PHACTR3: variants seen among roughly 807,000 people sequenced by gnomAD.
The protein encoded by PHACTR3 is phosphatase and actin regulator 3, also known as protein phosphatase 1, regulatory subunit 123.
In PHACTR3, 16 loss-of-function variants were observed where a neutral mutation model predicts 66.8. The observed-to-expected ratio is 0.24, with a 90% CI of 0.16 to 0.36. The LOEUF (loss-of-function observed/expected upper bound fraction) is 0.36. Among genes scored for constraint, PHACTR3 ranks in the 10% least tolerant of loss-of-function variants. PHACTR3 has a pLI of 1.00. For missense variants in PHACTR3, 647 were observed against 719.9 expected (o/e 0.90, Z 1.16); for synonymous variants, 323 against 292.1 (o/e 1.11, Z -1.08).
intron 1 of PHACTR3, among the ~76,000 whole-genome samples, chr20:59,660,486 C>G (rs765269021): frequency 2.0e-5 from 3 of 152,104 alleles, no homozygotes; most frequent in Admixed American, 2.0e-4. Context: ...AGCGAGACTC[C>G]GTCTCAAAAA....
rs1298131798 is a variant in PHACTR3 at position 59,833,539 on chromosome 20, G to T, written c.1329-2966G>T. ...TCTCATTTTGGATGAGAAAGACAAG[G>T]TTCCAACAAAGGGCGGGGGGAAGCC... On this transcript the variant is annotated intron_variant, in intron 8 of 12. Transcript: ENST00000371015. Among the ~76,000 whole-genome samples the T allele has an allele frequency of 1.3e-5, 2 of 152,134 alleles. 1 individual carries two copies. Among genetic ancestry groups the T allele is most frequent in the East Asian group, 3.9e-4 (2 of 5,186 alleles).
chr20:59,741,341 G>C (rs2039156126), intron 1 of PHACTR3, among the ~76,000 whole-genome samples: 1 of 152,256 alleles, frequency 6.6e-6, no homozygotes, highest in Admixed American at 6.5e-5. Flanking sequence ...AGAGGTCTGG[G>C]CTCCTGTGGT....
At chr20:59,836,676 A>G in intron 9 of PHACTR3, 116 bp downstream of exon 9, 2 of 947,930 alleles carry the variant, frequency 2.1e-6, no homozygotes, top group Non-Finnish European at 3.2e-6. Flanking sequence ...CCATGCTCCC[A>G]GTAAACCTGA....
chr20:59,681,380 T>C (rs1354037859), intron 1 of PHACTR3, among the ~76,000 whole-genome samples: 1 of 152,148 alleles, frequency 6.6e-6, no homozygotes, highest in Non-Finnish European at 1.5e-5. Flanking sequence ...TTTTTTCTAC[T>C]TTTTCACGTG....
chr20:59,601,055 A>G (rs1465270157), upstream of PHACTR3, among the ~76,000 whole-genome samples: 1 of 152,130 alleles, frequency 6.6e-6, no homozygotes, highest in Non-Finnish European at 1.5e-5. Context: ...TTATGAAACC[A>G]TCACCATAAT....
intron 1 of PHACTR3, among the ~76,000 whole-genome samples, chr20:59,606,964 A>G (rs1232470596): frequency 6.6e-6 from 1 of 152,204 alleles, no homozygotes; most frequent in African/African-American, 2.4e-5. Context: ...GCAATTAAGT[A>G]TTTATGGATT....
intron 1 of PHACTR3, among the ~76,000 whole-genome samples, chr20:59,654,837 G>A (rs572221099): frequency 2.9e-4 from 44 of 152,140 alleles, no homozygotes; most frequent in African/African-American, 1.1e-3. Flanking sequence ...TGGCATTTGT[G>A]TGTGTGTGTC....
At position 59,704,950 on chromosome 20, in the gene PHACTR3, G is replaced by T. The variant is rs1462376535; in HGVS notation, c.119-38157G>T. On this transcript the variant is annotated intron_variant, in intron 1 of 12. Transcript: ENST00000371015. ...CTAGTATGTCTGTCCTAGTATTTAA[G>T]ACTTTCTCTTTTTTTTTTTTTTTTG... 2.0e-5 allele frequency among the ~76,000 whole-genome samples: 3 copies of T among 150,468 alleles called. No homozygotes were observed. In the East Asian group the frequency reaches 5.9e-4, roughly 29 times the overall value.
At chr20:59,753,494 G>T (rs1343709336) in intron 3 of PHACTR3, among the ~76,000 whole-genome samples, 1 of 152,196 alleles carries the variant, frequency 6.6e-6, no homozygotes, top group Non-Finnish European at 1.5e-5. Flanking sequence ...TCTGTCCTAA[G>T]CCTGCTGTTA....
chr20:59,625,749 T>G (rs957493229), intron 1 of PHACTR3, among the ~76,000 whole-genome samples: 8 of 152,168 alleles, frequency 5.3e-5, no homozygotes, highest in African/African-American at 1.7e-4. Context: ...ATGCACCGTC[T>G]CTGTCTTGCG....
intron 1 of PHACTR3, among the ~76,000 whole-genome samples, chr20:59,694,712 T>C (rs2037232423): frequency 6.6e-6 from 1 of 152,114 alleles, no homozygotes; most frequent in African/African-American, 2.4e-5. Context: ...AAATAATACA[T>C]AGAAGCTTTT....
chr20:59,774,381 C>G lies in PHACTR3; in HGVS notation c.1065C>G (p.Ala355=). ...FDGALENKRT[A]AKESEENKEN... ...GGGCATTGGAGAACAAGCGAACTGC[C>G]GCTAAGGAATCTGAGGAGAACAAGG... The change falls in exon 7 of 13, where the codon GCC becomes GCG. Residue 355 remains alanine (A), a synonymous_variant. Coordinates refer to ENST00000371015, the MANE Select transcript of PHACTR3 (RefSeq NM_080672.5). The G allele has an allele frequency of 6.2e-7, 1 of 1,614,096 alleles. No homozygotes were observed. The highest frequency in any genetic ancestry group is 8.5e-7 in the Non-Finnish European group (1 of 1,180,022).
chr20:59,808,663 G>A (rs2041640856), intron 8 of PHACTR3, among the ~76,000 whole-genome samples: 1 of 152,192 alleles, frequency 6.6e-6, no homozygotes, highest in Non-Finnish European at 1.5e-5. Context: ...CTGTCCCCAG[G>A]CCCCTGAGTC....
chr20:59,747,108 CAA>C (rs2039399219), intron 2 of PHACTR3, among the ~76,000 whole-genome samples: 1 of 152,168 alleles, frequency 6.6e-6, no homozygotes. Context: ...GGCCGTCGCT[CAA>C]GAGTGTTTTG....
At chr20:59,802,826 T>C (rs1267817394) in intron 7 of PHACTR3, among the ~76,000 whole-genome samples, 2 of 152,252 alleles carry the variant, frequency 1.3e-5, no homozygotes, top group Non-Finnish European at 2.9e-5. Context: ...TTTTACTTTT[T>C]AGTTTAATTT....
rs545392408 is a variant in PHACTR3 at position 59,758,607 on chromosome 20, G to T, written c.541+3243G>T. On this transcript the variant is annotated intron_variant, in intron 4 of 12. Transcript: ENST00000371015. Reference sequence around the variant, plus strand: ...CTGCCTGCATGCAGGGTTGGGGAGCGTGCTCTACTAATGACTGCACATTCA... The same window carrying T: ...CTGCCTGCATGCAGGGTTGGGGAGCTTGCTCTACTAATGACTGCACATTCA... 3.9e-5 allele frequency among the ~76,000 whole-genome samples: 6 copies of T among 152,264 alleles called. No homozygotes were observed. In the East Asian group the frequency reaches 1.2e-3, roughly 29 times the overall value.
intron 7 of PHACTR3, among the ~76,000 whole-genome samples, chr20:59,786,371 A>G (rs1036003441): frequency 1.3e-5 from 2 of 152,172 alleles, no homozygotes; most frequent in African/African-American, 4.8e-5. Context: ...CTGACAACTC[A>G]ATGATGTGAG....
chr20:59,742,584 G>A (rs2146765905), intron 1 of PHACTR3, among the ~76,000 whole-genome samples: 1 of 152,350 alleles, frequency 6.6e-6, no homozygotes, highest in East Asian at 1.9e-4. Context: ...GTGGCAGCCT[G>A]GTGGGAGGGC....
intron 5 of PHACTR3, among the ~76,000 whole-genome samples, chr20:59,769,232 G>A (rs961816561): frequency 2.0e-5 from 3 of 152,218 alleles, no homozygotes; most frequent in African/African-American, 7.2e-5. Flanking sequence ...TGTTTAGTGG[G>A]TTGAATGGTG....
Sources: gnomAD v4.1 joint callset for allele counts (sites outside exome capture counted in the v4.1 genomes callset) on GRCh38, gnomAD v4.1.1 for gene constraint, MANE v1.5 for transcripts, NCBI Gene and HGNC (gene_info 2026-07-23, HGNC 2026-07-21) for gene names.